The following PTPN9 variants were observed in gnomAD, a reference collection of about 807,000 sequenced individuals.
PTPN9 encodes protein tyrosine phosphatase non-receptor type 9.
In PTPN9, 26 loss-of-function variants were observed where a neutral mutation model predicts 69.8. The observed-to-expected ratio is 0.37, with a 90% CI of 0.27 to 0.52. The LOEUF is 0.52. Among genes scored for constraint, PTPN9 ranks in the 20% least tolerant of loss-of-function variants. PTPN9 has a pLI of 0.91. For missense variants in PTPN9, 549 were observed against 740.3 expected (o/e 0.74, Z 3.00); for synonymous variants, 274 against 272.5 (o/e 1.01, Z -0.05).
intron 1 of PTPN9, among the ~76,000 whole-genome samples, chr15:75,545,666 G>A (rs1478856191): frequency 7.9e-5 from 12 of 152,156 alleles, no homozygotes; most frequent in South Asian, 2.1e-4. Context: ...ATGGCCAGGC[G>A]CGGTGGCTCA....
chr15:75,577,543 C>T (rs1007066591), intron 1 of PTPN9, among the ~76,000 whole-genome samples: 3 of 152,116 alleles, frequency 2.0e-5, no homozygotes, highest in African/African-American at 7.2e-5. Context: ...AAGACAAAAC[C>T]GTGGCCTGAG....
In PTPN9 at chr15:75,505,842, G is replaced by A; in HGVS notation, c.801C>T (p.Phe267=). ...HPDPFDEIIL[F]SLPPALDWDS... ...CCCAGTCTAAGGCAGGAGGGAGGGA[G>A]AACAGGATGATCTCATCGAAGGGAT... The change falls in exon 7 of 13, where the codon TTC becomes TTT. Residue 267 remains phenylalanine (F), a synonymous_variant. Coordinates refer to ENST00000618819, the MANE Select transcript of PTPN9 (RefSeq NM_002833.4). The A allele has an allele frequency of 6.2e-7, 1 of 1,614,188 alleles. No homozygotes were observed. Among genetic ancestry groups the A allele is most frequent in the Non-Finnish European group, 8.5e-7 (1 of 1,180,044 alleles).
intron 1 of PTPN9, among the ~76,000 whole-genome samples, chr15:75,534,782 G>A (rs1247392077): frequency 1.3e-5 from 2 of 151,786 alleles, no homozygotes; most frequent in Non-Finnish European, 2.9e-5. Context: ...AGACCAGCCT[G>A]GCCAACAGGG....
At chr15:75,495,703 AAAC>A (rs1450535529) in intron 7 of PTPN9, among the ~76,000 whole-genome samples, 3 of 152,004 alleles carry the variant, frequency 2.0e-5, no homozygotes, top group South Asian at 2.1e-4. Flanking sequence ...GGCAACATCA[AAAC>A]AACAACCACA....
chr15:75,524,342 T>A, intron 2 of PTPN9, 44 bp from the exon 3 acceptor site: 1 of 1,272,016 alleles, frequency 7.9e-7, no homozygotes, highest in Non-Finnish European at 1.1e-6. Context: ...GAAAATACTG[T>A]ATATCCAGGA....
At chr15:75,477,053 A>G (rs2074600337) in intron 9 of PTPN9, among the ~76,000 whole-genome samples, 1 of 152,238 alleles carries the variant, frequency 6.6e-6, no homozygotes. Context: ...AAATAAAGTC[A>G]GCAGTTTATA....
chr15:75,543,045 T>C (rs1240718434), intron 1 of PTPN9, among the ~76,000 whole-genome samples: 2 of 129,742 alleles, frequency 1.5e-5, no homozygotes, highest in Non-Finnish European at 3.1e-5. Flanking sequence ...TTCCCCTTCC[T>C]GTGTCCATGT....
intron 7 of PTPN9, among the ~76,000 whole-genome samples, chr15:75,490,850 C>G (rs914980508): frequency 1.3e-5 from 2 of 152,114 alleles, no homozygotes; most frequent in Non-Finnish European, 1.5e-5. Flanking sequence ...TGGTCTCGAT[C>G]TCCTGACCTC....
chr15:75,566,657 C>T (rs1169586151), intron 1 of PTPN9, among the ~76,000 whole-genome samples: 1 of 149,496 alleles, frequency 6.7e-6, no homozygotes, highest in Non-Finnish European at 1.5e-5. Context: ...CCAGCCTGGG[C>T]GACAGAGTCT....
intron 1 of PTPN9, among the ~76,000 whole-genome samples, chr15:75,541,907 G>C (rs995815195): frequency 6.6e-6 from 1 of 151,632 alleles, no homozygotes; most frequent in Non-Finnish European, 1.5e-5. Context: ...GAGTGGTGGC[G>C]TGCACCTGTA....
At chr15:75,573,215 G>T (rs1173504226) in intron 1 of PTPN9, among the ~76,000 whole-genome samples, 1 of 152,196 alleles carries the variant, frequency 6.6e-6, no homozygotes, top group Non-Finnish European at 1.5e-5. Context: ...CTCAGTCTGA[G>T]TTTTCTTATT....
At chr15:75,515,947 A>G (rs2074867527) in intron 5 of PTPN9, among the ~76,000 whole-genome samples, 1 of 152,054 alleles carries the variant, frequency 6.6e-6, no homozygotes, top group African/African-American at 2.4e-5. Context: ...TAAAAAATAA[A>G]TTTTAAAGAG....
chr15:75,553,967 C>T lies in PTPN9; in HGVS notation c.63+24747G>A, dbSNP rs556431764. 3.3e-5 allele frequency among the ~76,000 whole-genome samples: 5 copies of T among 151,198 alleles called. No homozygotes were observed. In the South Asian group the frequency reaches 1.0e-3, roughly 32 times the overall value. Reference sequence around the variant, plus strand: ...TATACAATTAGACAATGTCAGTCATCTCAGCCATTTCAAACCTGCTAGACC... The same window carrying T: ...TATACAATTAGACAATGTCAGTCATTTCAGCCATTTCAAACCTGCTAGACC... On this transcript the variant is annotated intron_variant, in intron 1 of 12. Transcript: ENST00000618819.
intron 1 of PTPN9, among the ~76,000 whole-genome samples, chr15:75,531,468 G>A (rs2074963771): frequency 1.3e-5 from 2 of 152,242 alleles, no homozygotes; most frequent in South Asian, 4.2e-4. Flanking sequence ...GCATCAAAAT[G>A]AGGAAAGATG....
chr15:75,514,114 A>AAG (rs984743368), intron 5 of PTPN9, among the ~76,000 whole-genome samples: 1 of 151,412 alleles, frequency 6.6e-6, no homozygotes, highest in African/African-American at 2.4e-5. Flanking sequence ...AAAAAAAAAA[A>AAG]AAAGAAAGAA....
At chr15:75,505,267 G>C (rs536790196) in intron 7 of PTPN9, among the ~76,000 whole-genome samples, 14 of 148,602 alleles carry the variant, frequency 9.4e-5, no homozygotes, top group Admixed American at 2.7e-4. Context: ...CAGCATGCTC[G>C]TTAAGAATCA....
At chr15:75,523,015 G>A in intron 4 of PTPN9, 106 bp downstream of exon 4, 1 of 1,321,882 alleles carries the variant, frequency 7.6e-7, no homozygotes, top group East Asian at 2.3e-5. Flanking sequence ...ATTGCCCAGG[G>A]CACATCCTAG....
intron 12 of PTPN9, 51 bp from the exon 13 acceptor site, chr15:75,469,034 C>A (rs1185677236): frequency 5.4e-6 from 8 of 1,474,446 alleles, no homozygotes; most frequent in Non-Finnish European, 6.5e-6. Flanking sequence ...TTCTCTTCCT[C>A]CCTCTACCAA....
chr15:75,549,203 T>C (rs977715997), intron 1 of PTPN9, among the ~76,000 whole-genome samples: 11 of 152,096 alleles, frequency 7.2e-5, no homozygotes, highest in African/African-American at 2.4e-4. Context: ...TATTCCAATT[T>C]CATTTTTTTT....
Sources: gnomAD v4.1 joint callset for allele counts (sites outside exome capture counted in the v4.1 genomes callset) on GRCh38, gnomAD v4.1.1 for gene constraint, MANE v1.5 for transcripts, NCBI Gene and HGNC (gene_info 2026-07-23, HGNC 2026-07-21) for gene names.